KIAA1217: variants seen among roughly 807,000 people sequenced by gnomAD.
KIAA1217 encodes the protein KIAA1217.
Under a neutral mutation model 163.9 loss-of-function variants are expected in KIAA1217, and 88 were observed. That is an observed-to-expected ratio of 0.54 (90% CI 0.45 to 0.64). The LOEUF is 0.64. Ranked by LOEUF, KIAA1217 falls within the 30% of genes least tolerant of loss-of-function variation. The pLI is 0.00. For missense variants in KIAA1217, 2,372 were observed against 2,475.0 expected (o/e 0.96, Z 0.88); for synonymous variants, 903 against 923.1 (o/e 0.98, Z 0.39).
At chr10:24,480,319 CCT>C (rs2064516612) in intron 6 of KIAA1217, among the ~76,000 whole-genome samples, 2 of 152,222 alleles carry the variant, frequency 1.3e-5, no homozygotes, top group African/African-American at 4.8e-5. Flanking sequence ...ACAGTTATTA[CCT>C]CCATTCTGCC....
intron 5 of KIAA1217, among the ~76,000 whole-genome samples, chr10:24,469,400 T>G (rs529504368): frequency 1.2e-4 from 18 of 151,804 alleles, no homozygotes; most frequent in African/African-American, 4.1e-4. Context: ...GTTGGGATTA[T>G]AGGCGTGAAC....
At chr10:24,281,299 G>A (rs2077896179) in intron 2 of KIAA1217, among the ~76,000 whole-genome samples, 1 of 152,138 alleles carries the variant, frequency 6.6e-6, no homozygotes, top group Non-Finnish European at 1.5e-5. Flanking sequence ...TGTGATGTAA[G>A]TAATCATTCC....
At chr10:24,238,111 G>A (rs1464091585) in intron 2 of KIAA1217, among the ~76,000 whole-genome samples, 1 of 152,228 alleles carries the variant, frequency 6.6e-6, no homozygotes, top group Non-Finnish European at 1.5e-5. Flanking sequence ...TTTGCAATGG[G>A]ATCCGTGGCA....
intron 2 of KIAA1217, among the ~76,000 whole-genome samples, chr10:24,330,505 C>T (rs1051951774): frequency 6.6e-6 from 1 of 152,116 alleles, no homozygotes; most frequent in Non-Finnish European, 1.5e-5. Flanking sequence ...TCCAGAGAAT[C>T]CATACATAGG....
chr10:24,192,544 G>A (rs1369559294), intron 2 of KIAA1217, among the ~76,000 whole-genome samples: 2 of 152,182 alleles, frequency 1.3e-5, no homozygotes, highest in African/African-American at 4.8e-5. Flanking sequence ...CATCCCATTT[G>A]TTCACAGCCC....
intron 2 of KIAA1217, among the ~76,000 whole-genome samples, chr10:24,086,762 G>T (rs1277063211): frequency 6.6e-6 from 1 of 152,162 alleles, no homozygotes; most frequent in Non-Finnish European, 1.5e-5. Flanking sequence ...TATCAGGAGT[G>T]GGAGGGAGAT....
Position 23,831,709 on chromosome 10 carries a change from T to C in KIAA1217, c.-321+136475T>C, listed in dbSNP as rs1838211372. 2.6e-5 allele frequency among the ~76,000 whole-genome samples: 4 copies of C among 152,294 alleles called. No individual in the cohort carries two copies. The South Asian group carries it at 8.3e-4, about 32-fold the overall frequency. On this transcript the variant is annotated intron_variant, in intron 1 of 18. Coordinates refer to the KIAA1217 transcript ENST00000376462. ...ATATCTTGATCTCCCATTTCTGGTT[T>C]TCATTCTTCTTGTGGTTATATTTAT...
At chr10:24,119,369 A>G (rs1358439957) in intron 2 of KIAA1217, among the ~76,000 whole-genome samples, 1 of 152,126 alleles carries the variant, frequency 6.6e-6, no homozygotes, top group Non-Finnish European at 1.5e-5. Flanking sequence ...GTAAATCTAG[A>G]GAGTAAACTT....
chr10:24,472,615 A>C (rs2063646072), intron 5 of KIAA1217, among the ~76,000 whole-genome samples: 1 of 152,082 alleles, frequency 6.6e-6, no homozygotes, highest in Admixed American at 6.5e-5. Flanking sequence ...AAGCCACCAC[A>C]CTATTTTTTC....
intron 2 of KIAA1217, among the ~76,000 whole-genome samples, chr10:24,297,158 C>A (rs1403502869): frequency 1.3e-5 from 2 of 152,276 alleles, no homozygotes; most frequent in Non-Finnish European, 2.9e-5. Flanking sequence ...AAAGGACCAC[C>A]CACTATGGCA....
At chr10:23,976,576 A>G (rs1845551524) in intron 1 of KIAA1217, among the ~76,000 whole-genome samples, 1 of 152,204 alleles carries the variant, frequency 6.6e-6, no homozygotes, top group African/African-American at 2.4e-5. Context: ...TACAGATTTA[A>G]TATGTACCTC....
intron 1 of KIAA1217, among the ~76,000 whole-genome samples, chr10:23,764,877 C>A (rs1322303127): frequency 2.0e-5 from 3 of 152,286 alleles, no homozygotes. Flanking sequence ...ACCTATGTAA[C>A]AAACCTGCAC....
intron 2 of KIAA1217, among the ~76,000 whole-genome samples, chr10:24,345,828 G>A (rs763319988): frequency 6.6e-6 from 1 of 151,390 alleles, no homozygotes; most frequent in African/African-American, 2.4e-5. Context: ...TACACATAAC[G>A]TAAAATTACC....
At chr10:24,269,402 T>C (rs1157658171) in intron 2 of KIAA1217, among the ~76,000 whole-genome samples, 1 of 151,962 alleles carries the variant, frequency 6.6e-6, no homozygotes, top group Non-Finnish European at 1.5e-5. Flanking sequence ...CACACATTTG[T>C]AGTCCTAGCT....
chr10:23,766,362 G>A (rs970877821), intron 1 of KIAA1217, among the ~76,000 whole-genome samples: 4 of 152,112 alleles, frequency 2.6e-5, no homozygotes, highest in African/African-American at 4.8e-5. Flanking sequence ...CAAGTTTGTC[G>A]TTATATGATT....
At chr10:24,398,725 G>C (rs1440986050) in intron 3 of KIAA1217, among the ~76,000 whole-genome samples, 2 of 152,098 alleles carry the variant, frequency 1.3e-5, no homozygotes, top group Admixed American at 6.6e-5. Flanking sequence ...TAACACTTAA[G>C]AGTTGAGCGT....
intron 5 of KIAA1217, among the ~76,000 whole-genome samples, chr10:24,446,975 G>C (rs76157254): frequency 0.089 from 13,590 of 152,036 alleles, 710 homozygotes; most frequent in East Asian, 0.18. Flanking sequence ...TCAGTGTGTC[G>C]ATGAGTCATC....
intron 2 of KIAA1217, among the ~76,000 whole-genome samples, chr10:24,098,186 G>C (rs2131706935): frequency 6.6e-6 from 1 of 152,164 alleles, no homozygotes; most frequent in South Asian, 2.1e-4. Flanking sequence ...AAACAGAAAA[G>C]CTGCAAGGGC....
chr10:24,215,132 T>C (rs2068650956), intron 1 of KIAA1217, among the ~76,000 whole-genome samples: 2 of 152,212 alleles, frequency 1.3e-5, no homozygotes, highest in South Asian at 4.1e-4. Context: ...GGGAGCTCCT[T>C]GGATTCCTGA....
Sources: gnomAD v4.1 joint callset for allele counts (sites outside exome capture counted in the v4.1 genomes callset) on GRCh38, gnomAD v4.1.1 for gene constraint, MANE v1.5 for transcripts, NCBI Gene and HGNC (gene_info 2026-07-23, HGNC 2026-07-21) for gene names.